The following PNPLA3 variants were observed in gnomAD, a reference collection of about 807,000 sequenced individuals.
PNPLA3 encodes patatin like domain 3, 1-acylglycerol-3-phosphate O-acyltransferase.
PNPLA3 carries 42 observed loss-of-function variants against 43.1 expected under a neutral mutation model. The ratio of observed to expected loss-of-function variants is 0.97; its 90% CI spans 0.76 to 1.26. The LOEUF is 1.26. Among genes scored for constraint, PNPLA3 ranks in the 50% most tolerant of loss-of-function variants. PNPLA3 has a pLI of 0.00. For missense variants in PNPLA3, 647 were observed against 621.4 expected (o/e 1.04, Z -0.44); for synonymous variants, 272 against 253.6 (o/e 1.07, Z -0.69).
chr22:43,945,786 A>G (rs13055900), intron 8 of PNPLA3, among the ~76,000 whole-genome samples: 30,982 of 151,894 alleles, frequency 0.2, 3,666 homozygotes, highest in East Asian at 0.39. Flanking sequence ...TTCCAAGCCT[A>G]AGGAGTGGGG....
intron 3 of PNPLA3, among the ~76,000 whole-genome samples, chr22:43,932,007 C>T (rs992885689): frequency 1.3e-5 from 2 of 152,132 alleles, no homozygotes; most frequent in Middle Eastern, 3.2e-3. Context: ...GAAATTCCTC[C>T]GTGTGGAAGG....
At chr22:43,925,755 C>A (rs906400766) in intron 1 of PNPLA3, among the ~76,000 whole-genome samples, 1 of 152,198 alleles carries the variant, frequency 6.6e-6, no homozygotes, top group Non-Finnish European at 1.5e-5. Flanking sequence ...CATTTGCACA[C>A]CCTGGGGTTT....
At chr22:43,928,501 C>T (rs1044335047) in intron 2 of PNPLA3, among the ~76,000 whole-genome samples, 6 of 151,940 alleles carry the variant, frequency 3.9e-5, no homozygotes, top group Admixed American at 1.3e-4. Flanking sequence ...TGAACAGCAC[C>T]GATCTAGCCC....
intron 7 of PNPLA3, 108 bp downstream of exon 7, chr22:43,940,233 C>A: frequency 7.7e-7 from 1 of 1,298,360 alleles, no homozygotes; most frequent in Non-Finnish European, 1.1e-6. Flanking sequence ...TGTCGTGCCA[C>A]AGATCACAGC....
At chr22:43,925,150 C>G (rs1291501648) in intron 1 of PNPLA3, among the ~76,000 whole-genome samples, 1 of 152,140 alleles carries the variant, frequency 6.6e-6, no homozygotes, top group Non-Finnish European at 1.5e-5. Context: ...TGGACACCCC[C>G]CAATCCCATC....
rs759967266 is a variant in PNPLA3 at position 43,944,750 on chromosome 22, C to T, written c.1172C>T (p.Ser391Leu). 6.2e-7 allele frequency: 1 copy of T among 1,614,112 alleles called. No individual in the cohort carries two copies. Among genetic ancestry groups the T allele is most frequent in the African/African-American group, 1.3e-5 (1 of 74,928 alleles). ...DDVLWLQWVT[S>L]QVFTRVLMCL... ...GTCCTGTGGTTGCAGTGGGTGACCT[C>T]ACAGGTGTTCACTCGAGTGCTGATG... The change falls in exon 8 of 9, where the codon TCA (serine) becomes TTA (leucine). Residue 391 changes from serine (S) to leucine (L), a missense_variant. Transcript: ENST00000216180.
chr22:43,927,034 A>G lies in PNPLA3; in HGVS notation c.287A>G (p.Gln96Arg). Residue 96 changes from glutamine to arginine, a missense_variant, in exon 2 of 9, where the codon CAG becomes CGG. Coordinates refer to ENST00000216180, the MANE Select transcript of PNPLA3 (RefSeq NM_025225.3). ...PSFNLSKFLR[Q>R]GLCKCLPANV... ...TTCAACTTAAGCAAGTTCCTCCGAC[A>G]GGGTCTCTGCAAATGCCTCCCGGCC... 1.2e-6 allele frequency: 2 copies of G among 1,614,256 alleles called. No individual in the cohort carries two copies. Among genetic ancestry groups the G allele is most frequent in the Middle Eastern group, 1.6e-4 (1 of 6,062 alleles).
At chr22:43,926,256 C>T (rs2049921324) in intron 1 of PNPLA3, among the ~76,000 whole-genome samples, 2 of 152,160 alleles carry the variant, frequency 1.3e-5, no homozygotes, top group Non-Finnish European at 2.9e-5. Context: ...TGGGTCAGGA[C>T]AGGCTGGGGC....
chr22:43,942,706 T>TTC (rs1555886180), intron 7 of PNPLA3, among the ~76,000 whole-genome samples: 3 of 144,904 alleles, frequency 2.1e-5, no homozygotes, highest in African/African-American at 7.6e-5. Flanking sequence ...TTTTTCTTTT[T>TTC]TTTTTTTTTT....
chr22:43,934,589 GC>G lies in PNPLA3; in HGVS notation c.697-16del, dbSNP rs1569012545. On this transcript the variant is annotated splice_polypyrimidine_tract_variant and intron_variant, in intron 4 of 8. Transcript: ENST00000216180. ...GGTGTCTCCCTGCTGTAGTCCCCTT[GC>G]TTGCTTTGCTCACAGGTGCTGGGAG... is the stretch of plus-strand genomic sequence containing the variant. 1 of 1,610,442 alleles carries G rather than the reference GC, an allele frequency of 6.2e-7. No individual in the cohort carries two copies.
chr22:43,945,724 G>A (rs887165624), intron 8 of PNPLA3, among the ~76,000 whole-genome samples: 3 of 152,128 alleles, frequency 2.0e-5, no homozygotes, highest in South Asian at 2.1e-4. Flanking sequence ...AGGCAGGGAC[G>A]ATCTGTAGAC....
intron 3 of PNPLA3, among the ~76,000 whole-genome samples, chr22:43,931,058 C>T (rs1009435809): frequency 5.9e-5 from 9 of 152,014 alleles, no homozygotes; most frequent in Admixed American, 2.0e-4. Context: ...ACCCGGGGGG[C>T]GGAGCTTGCA....
chr22:43,945,978 G>T (rs1046453765), intron 8 of PNPLA3, among the ~76,000 whole-genome samples, 176 bp from the exon 9 acceptor site: 2 of 152,202 alleles, frequency 1.3e-5, no homozygotes, highest in African/African-American at 4.8e-5. Context: ...GGAAGACCTA[G>T]GTGGTGACAT....
chr22:43,930,966 A>G (rs1033826354), intron 3 of PNPLA3, among the ~76,000 whole-genome samples: 1 of 152,118 alleles, frequency 6.6e-6, no homozygotes, highest in Non-Finnish European at 1.5e-5. Context: ...TCTACTAAAC[A>G]TACGAAAAAA....
chr22:43,927,072 C>T lies in PNPLA3; in HGVS notation c.325C>T (p.Leu109Phe), dbSNP rs770420306. The change falls in exon 2 of 9, where the codon CTC (leucine) becomes TTC (phenylalanine). Residue 109 changes from leucine to phenylalanine, a missense_variant. Transcript: ENST00000216180. ...ATGCCTCCCGGCCAATGTCCACCAG[C>T]TCATCTCCGGCAAAATAGGCATCTC... ...CKCLPANVHQ[L>F]ISGKIGISLT... The T allele has an allele frequency of 9.3e-6, 15 of 1,614,142 alleles. No homozygotes were observed. Among genetic ancestry groups the T allele is most frequent in the Non-Finnish European group, 1.3e-5 (15 of 1,180,052 alleles).
At position 43,933,060 on chromosome 22, in the gene PNPLA3, G is replaced by T; in HGVS notation, c.669G>T (p.Ser223=). ...RLCTGNLYLL[S]RAFVPPDLKV... ...GCACAGGGAACCTCTACCTTCTCTCGAGAGCTTTTGTCCCCCCGGATCTCA... is the reference window on the plus strand; with the variant it reads ...GCACAGGGAACCTCTACCTTCTCTCTAGAGCTTTTGTCCCCCCGGATCTCA... Residue 223 remains serine (S), a synonymous_variant, in exon 4 of 9, where the codon TCG becomes TCT. Transcript: ENST00000216180. 1 of 1,613,916 alleles carries T rather than the reference G, an allele frequency of 6.2e-7. No homozygotes were observed. Among genetic ancestry groups the T allele is most frequent in the Non-Finnish European group, 8.5e-7 (1 of 1,180,030 alleles).
chr22:43,926,913 T>C (rs769204913), intron 1 of PNPLA3, 22 bp from the exon 2 acceptor site: 19 of 1,601,462 alleles, frequency 1.2e-5, no homozygotes, highest in Middle Eastern at 1.7e-4. Flanking sequence ...CATTCTTTCA[T>C]GTATTTGTCT....
In PNPLA3 at chr22:43,932,948, C is replaced by T. The variant is rs148866299; in HGVS notation, c.557C>T (p.Pro186Leu). 1 of 1,614,204 alleles carries T rather than the reference C, an allele frequency of 6.2e-7. No homozygotes were observed. The highest frequency in any genetic ancestry group is 8.5e-7 in the Non-Finnish European group (1 of 1,180,030). ...IDAKTTITVS[P>L]FYGEYDICPK... The stretch of plus-strand genomic sequence containing the variant: ...GCCAAAACAACCATCACCGTGTCCC[C>T]CTTCTATGGGGAGTACGACATCTGC... The change falls in exon 4 of 9, where the codon CCC becomes CTC. Residue 186 changes from proline to leucine, a missense_variant. Coordinates refer to ENST00000216180, the MANE Select transcript of PNPLA3 (RefSeq NM_025225.3).
In PNPLA3 at chr22:43,946,477, T is replaced by G; in HGVS notation, c.*95T>G. The G allele has an allele frequency of 1.6e-6, 2 of 1,220,596 alleles. No individual in the cohort carries two copies. Among genetic ancestry groups the G allele is most frequent in the South Asian group, 2.5e-5 (2 of 78,916 alleles). 75.6% of individuals were successfully genotyped at this position (1,220,596 alleles called of 1,614,324 possible). ...CTCCGCATTGCTGTGTAGTGACCCC[T>G]GCCTGTGACGTGGAGGATCCCAGCC... is the stretch of plus-strand genomic sequence containing the variant. On this transcript the variant is annotated 3_prime_UTR_variant, in exon 9 of 9. Transcript: ENST00000216180.
Sources: gnomAD v4.1 joint callset for allele counts (sites outside exome capture counted in the v4.1 genomes callset) on GRCh38, gnomAD v4.1.1 for gene constraint, MANE v1.5 for transcripts, NCBI Gene and HGNC (gene_info 2026-07-23, HGNC 2026-07-21) for gene names.